Variants in VSTM2L observed in about 807,000 individuals in gnomAD.
VSTM2L encodes the protein V-set and transmembrane domain-containing protein 2-like protein.
In VSTM2L, 9 loss-of-function variants were observed where a neutral mutation model predicts 19.9. That is an observed-to-expected ratio of 0.45 (90% CI 0.27 to 0.79). The LOEUF (loss-of-function observed/expected upper bound fraction) is 0.79. VSTM2L is among the 30% of genes least tolerant of loss of function. The pLI is 0.15. For synonymous variants in VSTM2L, 127 were observed against 133.8 expected (o/e 0.95, Z 0.35); for missense variants, 286 against 295.5 (o/e 0.97, Z 0.24).
intron 3 of VSTM2L, among the ~76,000 whole-genome samples, chr20:37,942,953 T>G (rs2072981355): frequency 6.6e-6 from 1 of 152,216 alleles, no homozygotes; most frequent in Non-Finnish European, 1.5e-5. Flanking sequence ...TTTTTTATTA[T>G]GTTATTTTAT....
At chr20:37,927,547 C>A (rs1414045720) in intron 1 of VSTM2L, among the ~76,000 whole-genome samples, 1 of 152,182 alleles carries the variant, frequency 6.6e-6, no homozygotes, top group Non-Finnish European at 1.5e-5. Context: ...CATGCCATGC[C>A]AGGGCCCAGA....
chr20:37,908,016 CTT>C (rs980616656), intron 1 of VSTM2L, among the ~76,000 whole-genome samples: 15 of 152,220 alleles, frequency 9.9e-5, no homozygotes, highest in African/African-American at 3.6e-4. Flanking sequence ...ATGTGTTCGT[CTT>C]TGTCTCGGGC....
At chr20:37,924,569 A>T (rs1568838469) in intron 1 of VSTM2L, among the ~76,000 whole-genome samples, 1 of 147,948 alleles carries the variant, frequency 6.8e-6, no homozygotes, top group African/African-American at 2.5e-5. Context: ...AAAAAAAAAA[A>T]ACAAAACAAA....
intron 1 of VSTM2L, among the ~76,000 whole-genome samples, chr20:37,908,024 C>T (rs992098759): frequency 4.6e-5 from 7 of 152,192 alleles, no homozygotes; most frequent in African/African-American, 1.2e-4. Context: ...GTCTTTGTCT[C>T]GGGCGTTGGT....
At position 37,931,794 on chromosome 20, in the gene VSTM2L, C is replaced by T. The variant is rs2072911858; in HGVS notation, c.281C>T (p.Ala94Val). 2 of 1,613,530 alleles carry T rather than the reference C, an allele frequency of 1.2e-6. No homozygotes were observed. The highest frequency in any genetic ancestry group is 1.7e-6 in the Non-Finnish European group (2 of 1,179,872). ...GACTGGACCGACAAGCAGGCGTGGG[C>T]CTCGAACCAGGTAATGCCCCTGGGG... ...HRDWTDKQAW[A>V]SNQLKASQQE... Residue 94 changes from alanine to valine, a missense_variant, in exon 2 of 4, where the codon GCC (alanine) becomes GTC (valine). Physicochemically the swap from Ala to Val is moderately conservative, Grantham distance 64. Coordinates refer to ENST00000373461, the MANE Select transcript of VSTM2L (RefSeq NM_080607.3).
At position 37,914,035 on chromosome 20, in the gene VSTM2L, T is replaced by C. The variant is rs77657751; in HGVS notation, c.121+10564T>C. On this transcript the variant is annotated intron_variant, in intron 1 of 3. Coordinates refer to ENST00000373461, the MANE Select transcript of VSTM2L (RefSeq NM_080607.3). ...GCGCTGAGTTTGGTGTGAGCCTTGC[T>C]GAGTTTGTGGTTCATGGGATGCTGG... is the stretch of plus-strand genomic sequence containing the variant. Among the ~76,000 whole-genome samples the C allele has an allele frequency of 5.0e-3, 759 of 151,980 alleles. 23 individuals carry two copies. The East Asian group carries it at 0.099, about 20-fold the overall frequency.
intron 3 of VSTM2L, among the ~76,000 whole-genome samples, chr20:37,943,274 T>C (rs1052181789): frequency 4.6e-5 from 7 of 151,850 alleles, no homozygotes; most frequent in Admixed American, 2.6e-4. Flanking sequence ...CCACCGCACT[T>C]GGCCTGGTTT....
chr20:37,905,104 G>A (rs1402846274), intron 1 of VSTM2L, among the ~76,000 whole-genome samples: 7 of 152,182 alleles, frequency 4.6e-5, no homozygotes, highest in East Asian at 3.9e-4. Flanking sequence ...CAAAGACAGC[G>A]CTTTTTTCCA....
chr20:37,934,993 C>T (rs927392643), intron 3 of VSTM2L, among the ~76,000 whole-genome samples: 5 of 152,150 alleles, frequency 3.3e-5, no homozygotes, highest in African/African-American at 1.2e-4. Context: ...AATACCCATC[C>T]GTTAAGCCCA....
At chr20:37,915,116 T>C (rs2072810249) in intron 1 of VSTM2L, among the ~76,000 whole-genome samples, 1 of 152,140 alleles carries the variant, frequency 6.6e-6, no homozygotes, top group Non-Finnish European at 1.5e-5. Flanking sequence ...GTGGAAATAG[T>C]GCTCAAAACA....
rs12481415 is a variant in VSTM2L at position 37,920,921 on chromosome 20, C to G, written c.122-10714C>G. On this transcript the variant is annotated intron_variant, in intron 1 of 3. Transcript: ENST00000373461. ...TGATTGATTGATTGATTGATTGATTCATTCATTCATTCATTCACTCATGTG... is the reference window on the plus strand; with the variant it reads ...TGATTGATTGATTGATTGATTGATTGATTCATTCATTCATTCACTCATGTG... Among the ~76,000 whole-genome samples, 329 of 139,186 alleles carry G rather than the reference C, an allele frequency of 2.4e-3. 7 individuals are homozygous for G. In the East Asian group the frequency reaches 0.036, roughly 15 times the overall value. The allele number at this position is 139,186 out of a possible 152,430, so 91.3% of individuals were successfully genotyped here. A position where few individuals can be genotyped will look rare whatever the true frequency, so the allele number is the denominator to read the frequency against.
chr20:37,927,484 G>T lies in VSTM2L; in HGVS notation c.122-4151G>T, dbSNP rs183473151. 5.5e-4 allele frequency among the ~76,000 whole-genome samples: 84 copies of T among 152,332 alleles called. No homozygotes were observed. In the East Asian group the frequency reaches 0.015, roughly 27 times the overall value. ...TGGCCACTTCTGGTGTCCCGGTGGA[G>T]AAGTGGCCGTGTGGCGGGGTCCTCC... On this transcript the variant is annotated intron_variant, in intron 1 of 3. Coordinates refer to ENST00000373461, the MANE Select transcript of VSTM2L (RefSeq NM_080607.3).
At chr20:37,942,446 C>T (rs565292798) in intron 3 of VSTM2L, among the ~76,000 whole-genome samples, 1 of 152,358 alleles carries the variant, frequency 6.6e-6, no homozygotes, top group South Asian at 2.1e-4. Flanking sequence ...CGTGCCACTG[C>T]ACTCCAGCCT....
At chr20:37,930,069 G>A (rs937377279) in intron 1 of VSTM2L, among the ~76,000 whole-genome samples, 4 of 152,194 alleles carry the variant, frequency 2.6e-5, no homozygotes, top group Non-Finnish European at 5.9e-5. Context: ...GGACTTCCAA[G>A]CCTCAGCAAG....
intron 2 of VSTM2L, 105 bp downstream of exon 2, chr20:37,931,909 C>T (rs762286030): frequency 6.3e-5 from 82 of 1,294,350 alleles, no homozygotes; most frequent in African/African-American, 3.4e-4. Context: ...TGGGCTCCAA[C>T]GCTGTTCTCC....
intron 1 of VSTM2L, among the ~76,000 whole-genome samples, chr20:37,921,302 G>A (rs1412897553): frequency 4.6e-5 from 7 of 152,172 alleles, no homozygotes; most frequent in Admixed American, 4.6e-4. Flanking sequence ...GCTGCAGTTG[G>A]GGTCTGGGCA....
chr20:37,905,356 T>C (rs906249628), intron 1 of VSTM2L, among the ~76,000 whole-genome samples: 8 of 152,252 alleles, frequency 5.3e-5, no homozygotes, highest in Non-Finnish European at 1.0e-4. Flanking sequence ...GGTGCCAGTC[T>C]GTTATTCCCA....
At chr20:37,904,445 C>T (rs1320403451) in intron 1 of VSTM2L, among the ~76,000 whole-genome samples, 2 of 152,252 alleles carry the variant, frequency 1.3e-5, no homozygotes, top group African/African-American at 2.4e-5. Context: ...GTCAGAAGCT[C>T]CTGCTAGCCC....
Position 37,931,716 on chromosome 20 carries a change from G to A in VSTM2L, c.203G>A (p.Gly68Asp). ...VEMACSFRGS[G>D]SPSYSLEIQW... The stretch of plus-strand genomic sequence containing the variant: ...ATGGCCTGCTCCTTCCGCGGCAGCG[G>A]CTCCCCCTCCTACTCGCTGGAGATC... Residue 68 changes from glycine to aspartate, a missense_variant, in exon 2 of 4, where the codon GGC becomes GAC. Physicochemically the swap from Gly to Asp is moderately conservative, Grantham distance 94. Transcript: ENST00000373461. The A allele has an allele frequency of 1.9e-6, 3 of 1,613,744 alleles. No individual in the cohort carries two copies. Among genetic ancestry groups the A allele is most frequent in the Non-Finnish European group, 2.5e-6 (3 of 1,180,026 alleles).
Sources: gnomAD v4.1 joint callset for allele counts (sites outside exome capture counted in the v4.1 genomes callset) on GRCh38, gnomAD v4.1.1 for gene constraint, MANE v1.5 for transcripts, NCBI Gene and HGNC (gene_info 2026-07-23, HGNC 2026-07-21) for gene names.